GAS7: variants seen among roughly 807,000 people sequenced by gnomAD.
GAS7 encodes growth arrest-specific protein 7.
Under a neutral mutation model 71.1 loss-of-function variants are expected in GAS7, and 28 were observed. That is an observed-to-expected ratio of 0.39 (90% CI 0.29 to 0.54). The LOEUF (loss-of-function observed/expected upper bound fraction) is 0.54, where lower values mean the gene tolerates loss of function less well. Among genes scored for constraint, GAS7 ranks in the 20% least tolerant of loss-of-function variants. GAS7 has a pLI of 0.62. For synonymous variants in GAS7, 258 were observed against 245.8 expected, an observed-to-expected ratio of 1.05 and a Z score of -0.46; for missense variants, 436 against 627.8, an observed-to-expected ratio of 0.69 and a Z score of 3.27.
intron 1 of GAS7, among the ~76,000 whole-genome samples, chr17:10,162,486 T>C (rs930478857): frequency 6.6e-6 from 1 of 152,248 alleles, no homozygotes; most frequent in Non-Finnish European, 1.5e-5. Context: ...TTGTATCTTT[T>C]GATTTTTTTA....
intron 5 of GAS7, among the ~76,000 whole-genome samples, chr17:9,956,799 A>G (rs2069257248): frequency 6.6e-6 from 1 of 152,154 alleles, no homozygotes; most frequent in Admixed American, 6.5e-5. Context: ...GAAGCGGCTC[A>G]CCTCATCCCT....
intron 1 of GAS7, among the ~76,000 whole-genome samples, chr17:10,042,928 G>C (rs569382513): frequency 6.6e-6 from 1 of 152,360 alleles, no homozygotes; most frequent in Non-Finnish European, 1.5e-5. Flanking sequence ...GTGACAGCCA[G>C]TTTAGGGGGA....
chr17:9,931,493 C>T (rs1287502495), intron 9 of GAS7, among the ~76,000 whole-genome samples: 1 of 152,154 alleles, frequency 6.6e-6, no homozygotes, highest in East Asian at 1.9e-4. Flanking sequence ...GGCAGCCCGC[C>T]CAGGATCTTC....
intron 5 of GAS7, among the ~76,000 whole-genome samples, chr17:9,950,810 C>T (rs374373441): frequency 6.6e-5 from 10 of 151,650 alleles, no homozygotes; most frequent in Admixed American, 1.3e-4. Flanking sequence ...GAGCCGAGAT[C>T]GCGCCATTGC....
intron 1 of GAS7, among the ~76,000 whole-genome samples, chr17:10,055,143 T>G (rs367550538): frequency 2.0e-5 from 3 of 152,130 alleles, no homozygotes; most frequent in East Asian, 3.9e-4. Flanking sequence ...TGGGGTAGGA[T>G]AGTGCACATC....
chr17:10,153,882 C>T (rs151279013), intron 1 of GAS7, among the ~76,000 whole-genome samples: 11 of 152,118 alleles, frequency 7.2e-5, no homozygotes, highest in South Asian at 2.1e-4. Context: ...GCCTGGGCAA[C>T]ATAAAAAGAT....
chr17:9,957,315 A>G (rs2069284076), intron 5 of GAS7, among the ~76,000 whole-genome samples: 1 of 152,176 alleles, frequency 6.6e-6, no homozygotes, highest in Admixed American at 6.5e-5. Context: ...AAGCAATGAT[A>G]TGGCTCAGCA....
chr17:10,107,617 G>A (rs1414648599), intron 1 of GAS7, among the ~76,000 whole-genome samples: 1 of 151,408 alleles, frequency 6.6e-6, no homozygotes, highest in Non-Finnish European at 1.5e-5. Context: ...CTTACACACA[G>A]TCCAGTGGGG....
intron 13 of GAS7, among the ~76,000 whole-genome samples, chr17:9,917,686 T>G (rs2067629858): frequency 1.3e-5 from 2 of 152,210 alleles, no homozygotes; most frequent in African/African-American, 4.8e-5. Context: ...TTCTAGAAGT[T>G]GTTTTTTTTG....
chr17:9,963,835 T>C (rs1277355380), intron 4 of GAS7, among the ~76,000 whole-genome samples: 1 of 152,152 alleles, frequency 6.6e-6, no homozygotes, highest in Non-Finnish European at 1.5e-5. Flanking sequence ...TTAAATATGA[T>C]AATGGTATTA....
chr17:10,061,696 G>A (rs2073222032), intron 1 of GAS7, among the ~76,000 whole-genome samples: 1 of 152,178 alleles, frequency 6.6e-6, no homozygotes, highest in Non-Finnish European at 1.5e-5. Flanking sequence ...CCTCTGGGGG[G>A]AAGCTGTAGG....
intron 1 of GAS7, among the ~76,000 whole-genome samples, chr17:10,101,727 G>A (rs1411092313): frequency 1.3e-5 from 2 of 152,200 alleles, no homozygotes; most frequent in African/African-American, 4.8e-5. Context: ...AGTCATGGCT[G>A]ACTCTTCCAG....
At chr17:10,166,105 C>T (rs1436931394) in intron 1 of GAS7, among the ~76,000 whole-genome samples, 1 of 151,976 alleles carries the variant, frequency 6.6e-6, no homozygotes, top group Admixed American at 6.6e-5. Context: ...TCACTGCAGC[C>T]TCAAGCTCCT....
intron 1 of GAS7, among the ~76,000 whole-genome samples, chr17:10,104,783 T>C (rs1014439941): frequency 3.3e-5 from 5 of 152,196 alleles, no homozygotes; most frequent in Admixed American, 6.5e-5. Context: ...TCCTGATCCA[T>C]CCACATTTTC....
At chr17:10,011,582 A>G (rs1220956714) in intron 2 of GAS7, among the ~76,000 whole-genome samples, 1 of 152,186 alleles carries the variant, frequency 6.6e-6, no homozygotes, top group African/African-American at 2.4e-5. Flanking sequence ...CTTCCCTTGC[A>G]TACCTACCCT....
At chr17:10,178,137 G>C (rs912726094) in intron 1 of GAS7, among the ~76,000 whole-genome samples, 2 of 152,242 alleles carry the variant, frequency 1.3e-5, no homozygotes, top group Non-Finnish European at 2.9e-5. Context: ...AGAATGAGCA[G>C]CTGCTTTATC....
At chr17:10,015,774 T>C (rs2071970261) in intron 2 of GAS7, among the ~76,000 whole-genome samples, 2 of 152,076 alleles carry the variant, frequency 1.3e-5, no homozygotes. Context: ...CTCTTTGCCA[T>C]CAGTAAGACA....
At chr17:9,920,806 G>A (rs1418223573) in intron 11 of GAS7, among the ~76,000 whole-genome samples, 1 of 152,222 alleles carries the variant, frequency 6.6e-6, no homozygotes, top group African/African-American at 2.4e-5. Flanking sequence ...GAACCCCAAA[G>A]TGAAGTAATT....
chr17:9,930,542 G>A (rs2068172443), intron 9 of GAS7, among the ~76,000 whole-genome samples: 1 of 152,196 alleles, frequency 6.6e-6, no homozygotes, highest in Non-Finnish European at 1.5e-5. Flanking sequence ...TTCAGCAGGA[G>A]CCAGGTATAA....
Sources: gnomAD v4.1 joint callset for allele counts (sites outside exome capture counted in the v4.1 genomes callset) on GRCh38, gnomAD v4.1.1 for gene constraint, MANE v1.5 for transcripts, NCBI Gene and HGNC (gene_info 2026-07-23, HGNC 2026-07-21) for gene names.